Variants in XPO4 observed in about 807,000 individuals in gnomAD.
The protein encoded by XPO4 is exportin 4.
A neutral mutation model predicts 143.0 loss-of-function variants in XPO4; 39 were observed. The ratio of observed to expected loss-of-function variants is 0.27; its 90% CI spans 0.21 to 0.36. The LOEUF is 0.36. XPO4 is among the 10% of genes least tolerant of loss of function. The pLI is 1.00. For missense variants in XPO4, 907 were observed against 1,348.0 expected (o/e 0.67, Z 5.12); for synonymous variants, 439 against 474.0 (o/e 0.93, Z 0.96).
At chr13:20,841,981 G>A (rs1265777117) in intron 6 of XPO4, among the ~76,000 whole-genome samples, 1 of 152,064 alleles carries the variant, frequency 6.6e-6, no homozygotes, top group Non-Finnish European at 1.5e-5. Context: ...ACAAAGAAGA[G>A]TATAAAAGAC....
intron 1 of XPO4, among the ~76,000 whole-genome samples, chr13:20,888,494 G>A (rs1198838129): frequency 2.0e-5 from 3 of 152,114 alleles, no homozygotes; most frequent in Non-Finnish European, 4.4e-5. Context: ...GAGACTACAG[G>A]TGCAGGCCTC....
At chr13:20,852,032 C>G in intron 4 of XPO4, 1 of 985,392 alleles carries the variant, frequency 1.0e-6, no homozygotes, top group Non-Finnish European at 1.2e-6. Flanking sequence ...CTGAGAGAGG[C>G]AAGGGACTCT....
Position 20,855,829 on chromosome 13 carries a change from T to C in XPO4, c.318-64A>G, listed in dbSNP as rs532466838. The C allele has an allele frequency of 4.1e-6, 6 of 1,468,088 alleles. No individual in the cohort carries two copies. The Admixed American group carries it at 8.9e-5, about 22-fold the overall frequency. The allele number at this position is 1,468,088 out of a possible 1,614,324, so 90.9% of individuals were successfully genotyped here. ...ATCTAATACAAGAATACTCCCAAACTTCTCTCTATGCCTGAAGCTACTAAT... is the reference window on the plus strand; with the variant it reads ...ATCTAATACAAGAATACTCCCAAACCTCTCTCTATGCCTGAAGCTACTAAT... On this transcript the variant is annotated intron_variant, in intron 3 of 22. Transcript: ENST00000255305.
chr13:20,810,014 T>C lies in XPO4; in HGVS notation c.1174-47A>G, dbSNP rs139612688. The C allele has an allele frequency of 8.2e-5, 124 of 1,503,706 alleles. No homozygotes were observed. The African/African-American group carries it at 8.5e-4, about 10-fold the overall frequency. The allele number at this position is 1,503,706 out of a possible 1,614,324, so 93.1% of individuals were successfully genotyped here. Reference sequence around the variant, plus strand: ...AAAACAAATGTCCAGAGAACGACAATTGGCATAACAACAGTCATATAAATA... The same window carrying C: ...AAAACAAATGTCCAGAGAACGACAACTGGCATAACAACAGTCATATAAATA... On this transcript the variant is annotated intron_variant, in intron 9 of 22. Transcript: ENST00000255305.
At chr13:20,795,985 C>T in intron 18 of XPO4, 91 bp downstream of exon 18, 5 of 1,313,632 alleles carry the variant, frequency 3.8e-6, no homozygotes, top group Non-Finnish European at 5.2e-6. Flanking sequence ...ATTGAATTTC[C>T]TCATGAGATG....
rs922933565 is a variant in XPO4, at chr13:20,780,562, G to C, written c.*3160C>G. 2 of 152,100 alleles carry C rather than the reference G, an allele frequency of 1.3e-5. No individual in the cohort carries two copies. Among genetic ancestry groups the C allele is most frequent in the African/African-American group, 4.8e-5 (2 of 41,422 alleles). The allele number at this position is 152,100 out of a possible 1,614,324, so 9.4% of individuals were successfully genotyped here. Reference sequence around the variant, plus strand: ...TACTTGCTTTTCAAATGAAAATCATGGACAAGTGGTAGTAACCATCCCATC... The same window carrying C: ...TACTTGCTTTTCAAATGAAAATCATCGACAAGTGGTAGTAACCATCCCATC... On this transcript the variant is annotated 3_prime_UTR_variant, in exon 23 of 23. Coordinates refer to ENST00000255305, the MANE Select transcript of XPO4 (RefSeq NM_022459.5).
At chr13:20,805,715 C>CT (rs1189000909) in intron 13 of XPO4, among the ~76,000 whole-genome samples, 1 of 152,164 alleles carries the variant, frequency 6.6e-6, no homozygotes. Context: ...ATTCTCTCTC[C>CT]TTTATAAAGA....
At chr13:20,859,051 G>A (rs952316535) in intron 3 of XPO4, among the ~76,000 whole-genome samples, 3 of 151,730 alleles carry the variant, frequency 2.0e-5, no homozygotes, top group Non-Finnish European at 4.4e-5. Flanking sequence ...ATTAATTTGG[G>A]CCAGGTACGG....
intron 14 of XPO4, 80 bp from the exon 15 acceptor site, chr13:20,800,405 A>C: frequency 5.1e-6 from 7 of 1,378,258 alleles, no homozygotes; most frequent in South Asian, 1.4e-5. Flanking sequence ...AATCGAACTG[A>C]AATTAGTATC....
intron 7 of XPO4, among the ~76,000 whole-genome samples, chr13:20,823,468 C>T (rs1453326850): frequency 6.6e-6 from 1 of 152,074 alleles, no homozygotes; most frequent in African/African-American, 2.4e-5. Context: ...TACTGACATG[C>T]TTAAAATATG....
At chr13:20,786,307 GTATA>G (rs35172496) in intron 22 of XPO4, among the ~76,000 whole-genome samples, 54,149 of 146,884 alleles carry the variant, frequency 0.37, 11,801 homozygotes, top group Non-Finnish European at 0.5. Context: ...ACGTGTGTGT[GTATA>G]TATATATATA....
intron 22 of XPO4, among the ~76,000 whole-genome samples, chr13:20,786,288 T>C (rs577275783): frequency 2.9e-4 from 33 of 112,854 alleles, no homozygotes; most frequent in African/African-American, 9.8e-4. Flanking sequence ...GGGAGGTATA[T>C]ATATATATAC....
intron 4 of XPO4, chr13:20,849,984 T>C (rs2060066772): frequency 3.7e-6 from 2 of 540,350 alleles, no homozygotes; most frequent in South Asian, 7.9e-5. Flanking sequence ...CATGCGCCTG[T>C]AGTCCCAGCT....
At chr13:20,826,070 A>G (rs1368802240) in intron 7 of XPO4, among the ~76,000 whole-genome samples, 3 of 152,210 alleles carry the variant, frequency 2.0e-5, no homozygotes, top group African/African-American at 7.2e-5. Context: ...ATTGATTTTT[A>G]CTTGGGCTTC....
At chr13:20,785,956 GAAAAA>G (rs1241035656) in intron 22 of XPO4, among the ~76,000 whole-genome samples, 4 of 136,798 alleles carry the variant, frequency 2.9e-5, no homozygotes, top group Non-Finnish European at 4.7e-5. Flanking sequence ...GAAAAAGATA[GAAAAA>G]AGAAAAGAAA....
chr13:20,816,768 C>T (rs1288214462), intron 9 of XPO4, among the ~76,000 whole-genome samples: 2 of 152,238 alleles, frequency 1.3e-5, no homozygotes, highest in Non-Finnish European at 2.9e-5. Flanking sequence ...ACATGGTTAT[C>T]ATCCAATTAG....
rs756090381 is a variant in XPO4, at chr13:20,862,891, A to G, written c.176-33T>C. ...GAAAATTAAAAACTTTATTTAAACA[A>G]TAATTCATTTTACCTTGCACATTTT... On this transcript the variant is annotated intron_variant, in intron 2 of 22. Transcript: ENST00000255305. The G allele has an allele frequency of 3.7e-6, 6 of 1,609,020 alleles. No homozygotes were observed. The South Asian group carries it at 5.5e-5, about 15-fold the overall frequency.
chr13:20,849,438 A>C (rs1422707210), intron 4 of XPO4: 1 of 984,382 alleles, frequency 1.0e-6, no homozygotes, highest in Non-Finnish European at 1.2e-6. Flanking sequence ...AAATAAGACA[A>C]ATATGAATTA....
chr13:20,794,010 C>T (rs1395946688), intron 18 of XPO4, among the ~76,000 whole-genome samples: 1 of 152,176 alleles, frequency 6.6e-6, no homozygotes, highest in Non-Finnish European at 1.5e-5. Context: ...ATGGAAGATT[C>T]TAAAAACTGG....
Sources: gnomAD v4.1 joint callset for allele counts (sites outside exome capture counted in the v4.1 genomes callset) on GRCh38, gnomAD v4.1.1 for gene constraint, MANE v1.5 for transcripts, NCBI Gene and HGNC (gene_info 2026-07-23, HGNC 2026-07-21) for gene names.